ADAMTS9: variants seen among roughly 807,000 people sequenced by gnomAD.
ADAMTS9 encodes the protein ADAM metallopeptidase with thrombospondin type 1 motif 9.
A neutral mutation model predicts 257.1 loss-of-function variants in ADAMTS9; 107 were observed. That is an observed-to-expected ratio of 0.42 (90% CI 0.36 to 0.49). ADAMTS9 has a LOEUF of 0.49. ADAMTS9 is among the 20% of genes least tolerant of loss of function. The pLI, the probability that ADAMTS9 is intolerant of heterozygous loss-of-function variation, is 0.03. For missense variants in ADAMTS9, 2,353 were observed against 2,469.1 expected, an observed-to-expected ratio of 0.95 and a Z score of 1.00; for synonymous variants, 982 against 880.9, an observed-to-expected ratio of 1.11 and a Z score of -2.03.
intron 5 of ADAMTS9, 27 bp from the exon 6 acceptor site, chr3:64,655,718 A>C (rs1234011313): frequency 3.1e-6 from 5 of 1,601,670 alleles, no homozygotes; most frequent in South Asian, 1.1e-5. Flanking sequence ...ATTATGGTTA[A>C]TCTGTTGTAC....
chr3:64,518,414 G>A (rs1338426604), intron 39 of ADAMTS9, among the ~76,000 whole-genome samples: 2 of 152,144 alleles, frequency 1.3e-5, no homozygotes, highest in Non-Finnish European at 2.9e-5. Context: ...TGAATTGGTT[G>A]AGCTCATTCC....
chr3:64,577,077 G>A (rs1165726025), intron 28 of ADAMTS9, among the ~76,000 whole-genome samples: 1 of 152,296 alleles, frequency 6.6e-6, no homozygotes, highest in South Asian at 2.1e-4. Context: ...AGTTATGCAA[G>A]CTATGAAACC....
intron 28 of ADAMTS9, among the ~76,000 whole-genome samples, chr3:64,590,469 C>T (rs997306466): frequency 6.6e-6 from 1 of 152,032 alleles, no homozygotes; most frequent in African/African-American, 2.4e-5. Flanking sequence ...AATAAATATG[C>T]TTTATTATAT....
At chr3:64,659,457 G>A (rs1406133287) in intron 3 of ADAMTS9, among the ~76,000 whole-genome samples, 1 of 142,042 alleles carries the variant, frequency 7.0e-6, no homozygotes, top group East Asian at 2.1e-4. Context: ...GAGACAAAGG[G>A]ATACTCTGTC....
intron 21 of ADAMTS9, 167 bp downstream of exon 21, chr3:64,615,154 G>A (rs1419250879): frequency 1.0e-5 from 8 of 789,836 alleles, no homozygotes; most frequent in Admixed American, 8.0e-5. Flanking sequence ...CATCCAGTAC[G>A]ACAGTCATGG....
chr3:64,668,343 T>G (rs1042837957), intron 3 of ADAMTS9, among the ~76,000 whole-genome samples: 27 of 152,154 alleles, frequency 1.8e-4, no homozygotes, highest in Admixed American at 1.8e-3. Flanking sequence ...ACTAGCCACA[T>G]CTCAAGGGCC....
At chr3:64,685,818 A>G (rs1701889369) in intron 2 of ADAMTS9, among the ~76,000 whole-genome samples, 1 of 152,100 alleles carries the variant, frequency 6.6e-6, no homozygotes, top group South Asian at 2.1e-4. Context: ...ACGTCCGGAC[A>G]GCCTCTCCAG....
chr3:64,579,001 A>G (rs2083926279), intron 28 of ADAMTS9, among the ~76,000 whole-genome samples: 1 of 152,128 alleles, frequency 6.6e-6, no homozygotes, highest in African/African-American at 2.4e-5. Flanking sequence ...AACCTTTAAA[A>G]ACAAATTCAT....
intron 3 of ADAMTS9, among the ~76,000 whole-genome samples, chr3:64,665,468 A>T (rs1185679874): frequency 6.6e-6 from 1 of 152,238 alleles, no homozygotes; most frequent in Non-Finnish European, 1.5e-5. Context: ...GAGATCATGC[A>T]TGCAAAGGGC....
chr3:64,537,573 TG>T (rs148961809), intron 37 of ADAMTS9, among the ~76,000 whole-genome samples: 4,898 of 152,298 alleles, frequency 0.032, 275 homozygotes, highest in African/African-American at 0.11. Context: ...TTCTAAAGCT[TG>T]AGGCCGAAAA....
intron 11 of ADAMTS9, among the ~76,000 whole-genome samples, chr3:64,646,359 AT>A (rs1189191330): frequency 6.6e-6 from 1 of 152,144 alleles, no homozygotes; most frequent in Non-Finnish European, 1.5e-5. Context: ...GTCATATTCA[AT>A]TTTTAATGGC....
chr3:64,665,297 G>A (rs1189035212), intron 3 of ADAMTS9, among the ~76,000 whole-genome samples: 2 of 152,154 alleles, frequency 1.3e-5, no homozygotes, highest in African/African-American at 4.8e-5. Flanking sequence ...GCCACAAACA[G>A]CCAATGTTTG....
chr3:64,595,129 G>A (rs1004545823), intron 27 of ADAMTS9, among the ~76,000 whole-genome samples: 1 of 152,054 alleles, frequency 6.6e-6, no homozygotes, highest in African/African-American at 2.4e-5. Context: ...ACCAAACAAA[G>A]GAGACAATGA....
chr3:64,568,582 C>T lies in ADAMTS9; in HGVS notation c.4357-47G>A, dbSNP rs749835639. 3.4e-5 allele frequency: 54 copies of T among 1,597,522 alleles called. 1 individual carries two copies. Among genetic ancestry groups the T allele is most frequent in the Middle Eastern group, 3.3e-4 (2 of 6,020 alleles). On this transcript the variant is annotated intron_variant, in intron 28 of 39. Transcript: ENST00000498707. The stretch of plus-strand genomic sequence containing the variant: ...AGGTTGTTGTTGTTTTTTAATTACA[C>T]GGAGTTTGAGAAAAAACCTGCGTCT...
At chr3:64,567,794 T>C (rs748652472) in intron 29 of ADAMTS9, among the ~76,000 whole-genome samples, 3 of 151,760 alleles carry the variant, frequency 2.0e-5, no homozygotes, top group Non-Finnish European at 4.4e-5. Context: ...GCGCTGGGCA[T>C]TCATGATTGC....
intron 28 of ADAMTS9, among the ~76,000 whole-genome samples, chr3:64,584,465 AC>A: frequency 6.6e-6 from 1 of 152,152 alleles, no homozygotes; most frequent in African/African-American, 2.4e-5. Flanking sequence ...GCTCTGCCAC[AC>A]CCCACTCCCT....
At chr3:64,535,676 T>C (rs887072897) in intron 37 of ADAMTS9, among the ~76,000 whole-genome samples, 1 of 151,190 alleles carries the variant, frequency 6.6e-6, no homozygotes, top group African/African-American at 2.4e-5. Flanking sequence ...ACCTCAGCCT[T>C]CTGAGTAGCT....
chr3:64,655,710 T>G lies in ADAMTS9; in HGVS notation c.1054-19A>C. Reference sequence around the variant, plus strand: ...GCCCATCCTAAATACAGAGAAGAATTATGGTTAATCTGTTGTACCGATCCC... The same window carrying G: ...GCCCATCCTAAATACAGAGAAGAATGATGGTTAATCTGTTGTACCGATCCC... On this transcript the variant is annotated intron_variant, in intron 5 of 39. Transcript: ENST00000498707. 1 of 1,607,346 alleles carries G rather than the reference T, an allele frequency of 6.2e-7. No individual in the cohort carries two copies. Among genetic ancestry groups the G allele is most frequent in the African/African-American group, 1.3e-5 (1 of 74,866 alleles).
At chr3:64,571,518 C>T (rs532070731) in intron 28 of ADAMTS9, among the ~76,000 whole-genome samples, 4 of 152,298 alleles carry the variant, frequency 2.6e-5, no homozygotes, top group African/African-American at 9.6e-5. Flanking sequence ...CTTCTAAATA[C>T]AATGCCTTAT....
Sources: gnomAD v4.1 joint callset for allele counts (sites outside exome capture counted in the v4.1 genomes callset) on GRCh38, gnomAD v4.1.1 for gene constraint, MANE v1.5 for transcripts, NCBI Gene and HGNC (gene_info 2026-07-23, HGNC 2026-07-21) for gene names.